Variants in NEDD1 observed in about 807,000 individuals in gnomAD.
NEDD1 encodes the protein NEDD1 gamma-tubulin ring complex targeting factor.
NEDD1 carries 33 observed loss-of-function variants against 74.0 expected under a neutral mutation model. That is an observed-to-expected ratio of 0.45 (90% CI 0.34 to 0.60). NEDD1 has a LOEUF of 0.60. Among genes scored for constraint, NEDD1 ranks in the 20% least tolerant of loss-of-function variants. The probability of loss-of-function intolerance (pLI) is 0.01; values close to 1 mark genes in which losing one functional copy is unlikely to be tolerated. For synonymous variants in NEDD1, 250 were observed against 264.4 expected (o/e 0.95, Z 0.53); for missense variants, 746 against 776.5 (o/e 0.96, Z 0.47).
In NEDD1 at chr12:96,912,825, ATT is replaced by A. The variant is rs752570154; in HGVS notation, c.231+21_231+22del. On this transcript the variant is annotated intron_variant, in intron 4 of 15. Transcript: ENST00000266742. ...TTAGAGCTTGCTGAAGGGGTAAGTG[ATT>A]TTTTTTTTTTTTAAACTTTTAAAAA... is the stretch of plus-strand genomic sequence containing the variant. 1,859 of 1,171,726 alleles carry A rather than the reference ATT, an allele frequency of 1.6e-3. No homozygotes were observed. Among genetic ancestry groups the A allele is most frequent in the Non-Finnish European group, 1.8e-3 (1,516 of 840,302 alleles). 72.6% of individuals were successfully genotyped at this position (1,171,726 alleles called of 1,614,324 possible). A position where few individuals can be genotyped will look rare whatever the true frequency, so the allele number is the denominator to read the frequency against.
Position 96,918,921 on chromosome 12 carries a change from G to A in NEDD1, c.349-1064G>A, listed in dbSNP as rs965280168. On this transcript the variant is annotated intron_variant, in intron 5 of 15. Coordinates refer to ENST00000266742, the MANE Select transcript of NEDD1 (RefSeq NM_152905.4). ...GATAGCAAGTGTTCCTTGGTTTTGG[G>A]AAAGGAATAATAGGTAAAGAAATCT... Among the ~76,000 whole-genome samples, 4 of 152,136 alleles carry A rather than the reference G, an allele frequency of 2.6e-5. No individual in the cohort carries two copies. The South Asian group carries it at 6.2e-4, about 24-fold the overall frequency.
intron 6 of NEDD1, among the ~76,000 whole-genome samples, chr12:96,932,463 A>AAAAAAATATAT: frequency 3.2e-4 from 3 of 9,442 alleles, no homozygotes; most frequent in African/African-American, 1.0e-3. Flanking sequence ...AAAAAAAAAA[A>AAAAAAATATAT]ATATATATAT....
At position 96,953,775 on chromosome 12, in the gene NEDD1, G is replaced by A. The variant is rs1266127193; in HGVS notation, c.*1722G>A. 1 of 151,850 alleles carries A rather than the reference G, an allele frequency of 6.6e-6. No individual in the cohort carries two copies. The highest frequency in any genetic ancestry group is 1.5e-5 in the Non-Finnish European group (1 of 67,824). 9.4% of individuals were successfully genotyped at this position (151,850 alleles called of 1,614,324 possible). A position where few individuals can be genotyped will look rare whatever the true frequency, so the allele number is the denominator to read the frequency against. ...CACCTGAAATTAAAAAAGAAAATAT[G>A]TGAAACAGTTGTCAGATATTGATCC... On this transcript the variant is annotated 3_prime_UTR_variant, in exon 16 of 16. Transcript: ENST00000266742.
chr12:96,925,142 C>A (rs958689030), intron 6 of NEDD1, among the ~76,000 whole-genome samples: 1 of 151,548 alleles, frequency 6.6e-6, no homozygotes, highest in Non-Finnish European at 1.5e-5. Flanking sequence ...CTGCGGAGTT[C>A]CAAGGGAACC....
At chr12:96,927,366 T>C (rs181604167) in intron 6 of NEDD1, among the ~76,000 whole-genome samples, 1 of 152,338 alleles carries the variant, frequency 6.6e-6, no homozygotes, top group Admixed American at 6.5e-5. Flanking sequence ...ATTAAAGTTA[T>C]TAGCTTTATG....
intron 14 of NEDD1, among the ~76,000 whole-genome samples, chr12:96,947,970 G>C (rs990213792): frequency 6.6e-6 from 1 of 152,186 alleles, no homozygotes; most frequent in African/African-American, 2.4e-5. Context: ...TGAAGACCCA[G>C]AGTGGCTCAG....
intron 3 of NEDD1, 75 bp downstream of exon 3, chr12:96,909,970 A>T: frequency 6.6e-7 from 1 of 1,509,570 alleles, no homozygotes; most frequent in Non-Finnish European, 8.9e-7. Context: ...CTGTCAATGA[A>T]ACTTTTGCAT....
intron 3 of NEDD1, among the ~76,000 whole-genome samples, chr12:96,912,379 A>G (rs1874008713): frequency 6.6e-6 from 1 of 152,102 alleles, no homozygotes; most frequent in African/African-American, 2.4e-5. Context: ...GAAAAGGTTG[A>G]TTGATATTTG....
At chr12:96,932,463 A>AAAAAAATATATATAT in intron 6 of NEDD1, among the ~76,000 whole-genome samples, 1 of 9,440 alleles carries the variant, frequency 1.1e-4, no homozygotes, top group African/African-American at 3.4e-4. Flanking sequence ...AAAAAAAAAA[A>AAAAAAATATATATAT]ATATATATAT....
rs144294186 is a variant in NEDD1 at position 96,944,784 on chromosome 12, C to T, written c.1643C>T (p.Ser548Phe). ...ATATGTGAACCCCCAATCAATGGAT[C>T]CTCAACTCCAAGTAAGTACATGAAA... The part of the protein sequence containing the change: ...QLICEPPING[S>F]STPNPKIASS... The change falls in exon 13 of 16, where the codon TCC (serine) becomes TTC (phenylalanine). Residue 548 changes from serine to phenylalanine, a missense_variant. Physicochemically the swap from Ser to Phe is radical, Grantham distance 155. Around this residue, in one of 3 missense-constraint regions of NEDD1, gnomAD observed 706 missense variants for 706.7 expected, o/e 1.00. Transcript: ENST00000266742. The T allele has an allele frequency of 1.4e-5, 21 of 1,553,516 alleles. No individual in the cohort carries two copies. The highest frequency in any genetic ancestry group is 1.7e-5 in the Non-Finnish European group (20 of 1,156,306).
intron 6 of NEDD1, among the ~76,000 whole-genome samples, chr12:96,928,451 T>C (rs61348420): frequency 6.6e-4 from 100 of 152,292 alleles, no homozygotes; most frequent in African/African-American, 2.3e-3. Flanking sequence ...TTCAATGTAA[T>C]TTAGTAGCAG....
At chr12:96,916,768 A>C (rs970443203) in intron 4 of NEDD1, among the ~76,000 whole-genome samples, 15 of 151,754 alleles carry the variant, frequency 9.9e-5, no homozygotes, top group African/African-American at 3.7e-4. Context: ...TGGGTATGGA[A>C]GGAGACATGA....
intron 6 of NEDD1, among the ~76,000 whole-genome samples, chr12:96,928,659 T>A (rs1456856638): frequency 6.6e-6 from 1 of 151,550 alleles, no homozygotes; most frequent in Non-Finnish European, 1.5e-5. Context: ...TGTATTGCTA[T>A]TGTTAGGTAC....
At position 96,952,135 on chromosome 12, in the gene NEDD1, T is replaced by C; in HGVS notation, c.*82T>C. ...CTACATAGAATCAGTATTGTTTTCATGGCCTCCAGGGAAAAAATGTTTTTC... is the reference window on the plus strand; with the variant it reads ...CTACATAGAATCAGTATTGTTTTCACGGCCTCCAGGGAAAAAATGTTTTTC... On this transcript the variant is annotated 3_prime_UTR_variant, in exon 16 of 16. Coordinates refer to ENST00000266742, the MANE Select transcript of NEDD1 (RefSeq NM_152905.4). 3 of 748,030 alleles carry C rather than the reference T, an allele frequency of 4.0e-6. No homozygotes were observed. Among genetic ancestry groups the C allele is most frequent in the South Asian group, 3.2e-5 (2 of 63,228 alleles). The allele number at this position is 748,030 out of a possible 1,614,324, so 46.3% of individuals were successfully genotyped here.
chr12:96,947,131 A>C (rs957652197), intron 14 of NEDD1, among the ~76,000 whole-genome samples: 5 of 152,174 alleles, frequency 3.3e-5, no homozygotes, highest in African/African-American at 1.2e-4. Flanking sequence ...CTGGTTACAA[A>C]GTTGCATAGG....
chr12:96,909,696 T>C (rs1873698209), intron 2 of NEDD1, 56 bp from the exon 3 acceptor site: 1 of 1,430,776 alleles, frequency 7.0e-7, no homozygotes, highest in African/African-American at 1.4e-5. Flanking sequence ...TGACCTTTTT[T>C]TGAGTATGTC....
chr12:96,920,196 A>G (rs1874917666), intron 6 of NEDD1, 71 bp downstream of exon 6: 1 of 953,852 alleles, frequency 1.0e-6, no homozygotes, highest in Non-Finnish European at 1.5e-6. Context: ...TAAGACTGTG[A>G]ATTTAAGTTT....
chr12:96,929,607 G>GTATATATA (rs71078437), intron 6 of NEDD1, among the ~76,000 whole-genome samples: 86 of 83,196 alleles, frequency 1.0e-3, no homozygotes, highest in Middle Eastern at 6.0e-3. Context: ...ACACATATGT[G>GTATATATA]TATATATATA....
intron 3 of NEDD1, among the ~76,000 whole-genome samples, chr12:96,912,055 T>G (rs1873970437): frequency 6.6e-6 from 1 of 152,176 alleles, no homozygotes; most frequent in East Asian, 1.9e-4. Flanking sequence ...AGTTACTGTT[T>G]TGTGTTTACT....
Sources: allele counts gnomAD v4.1 joint callset (sites outside exome capture counted in the v4.1 genomes callset), GRCh38; gene constraint gnomAD v4.1.1; regional missense constraint gnomAD v4.1.1; transcripts MANE v1.5; gene names NCBI Gene and HGNC (gene_info 2026-07-23, HGNC 2026-07-21).